The following HNRNPM variants were observed in gnomAD, a reference collection of about 807,000 sequenced individuals.
The protein encoded by HNRNPM is heterogeneous nuclear ribonucleoprotein M.
In HNRNPM, 11 loss-of-function variants were observed where a neutral mutation model predicts 73.1. The observed-to-expected ratio is 0.15, with a 90% confidence interval of 0.09 to 0.25. The LOEUF is 0.25. HNRNPM is among the 10% of genes least tolerant of loss of function. The pLI is 1.00. For synonymous variants in HNRNPM, 407 were observed against 355.2 expected, an observed-to-expected ratio of 1.15 and a Z score of -1.64; for missense variants, 789 against 1,067.9, an observed-to-expected ratio of 0.74 and a Z score of 3.64.
chr19:8,454,757 A>C (rs1419723211), intron 1 of HNRNPM, among the ~76,000 whole-genome samples: 1 of 138,890 alleles, frequency 7.2e-6, no homozygotes, highest in East Asian at 2.2e-4. Context: ...GTACTACCTC[A>C]TATTTCCATT....
chr19:8,444,985 C>G lies in HNRNPM; in HGVS notation c.-14C>G, dbSNP rs201184540. ...GCAGCCCGTTCGCTCACACAAAGCC[C>G]AGACGCGGAGAAAATGGCGGCAGGG... is the stretch of plus-strand genomic sequence containing the variant. On this transcript the variant is annotated 5_prime_UTR_variant, in exon 1 of 16. Coordinates refer to ENST00000325495, the MANE Select transcript of HNRNPM (RefSeq NM_005968.5). The G allele has an allele frequency of 3.3e-5, 46 of 1,401,242 alleles. No individual in the cohort carries two copies. Among genetic ancestry groups the G allele is most frequent in the South Asian group, 1.2e-4 (7 of 60,106 alleles). 86.8% of individuals were successfully genotyped at this position (1,401,242 alleles called of 1,614,324 possible). A position where few individuals can be genotyped will look rare whatever the true frequency, so the allele number is the denominator to read the frequency against.
chr19:8,473,629 A>G lies in HNRNPM; in HGVS notation c.998-35A>G, dbSNP rs201294620. ...TTCAAACGTTATTTACTGCTTTGAC[A>G]TAATTTTAGTTTGCATTGACTTTTT... On this transcript the variant is annotated intron_variant, in intron 10 of 15. Coordinates refer to ENST00000325495, the MANE Select transcript of HNRNPM (RefSeq NM_005968.5). 1.1e-3 allele frequency: 1,473 copies of G among 1,378,232 alleles called. 5 individuals carry two copies. Among genetic ancestry groups the G allele is most frequent in the South Asian group, 2.3e-3 (194 of 83,914 alleles). 85.4% of individuals were successfully genotyped at this position (1,378,232 alleles called of 1,614,324 possible).
At chr19:8,470,244 G>A (rs1233375979) in intron 9 of HNRNPM, among the ~76,000 whole-genome samples, 1 of 152,246 alleles carries the variant, frequency 6.6e-6, no homozygotes, top group Non-Finnish European at 1.5e-5. Context: ...AAGATGGAAT[G>A]TTCATCAGAT....
chr19:8,471,467 G>T, intron 10 of HNRNPM, 40 bp downstream of exon 10: 1 of 1,291,362 alleles, frequency 7.7e-7, no homozygotes, highest in Non-Finnish European at 1.1e-6. Flanking sequence ...GTTTGGGGAA[G>T]TGAAAATTAT....
Position 8,466,290 on chromosome 19 carries a change from T to C in HNRNPM, c.686T>C (p.Val229Ala), listed in dbSNP as rs752464286. 1 of 1,614,078 alleles carries C rather than the reference T, an allele frequency of 6.2e-7. No individual in the cohort carries two copies. Among genetic ancestry groups the C allele is most frequent in the South Asian group, 1.1e-5 (1 of 91,084 alleles). The change falls in exon 7 of 16, where the codon GTG becomes GCG. Residue 229 changes from valine (V) to alanine (A), a missense_variant. Val to Ala is a moderately conservative substitution (Grantham distance 64). Transcript: ENST00000325495. ...AAGGAAGTATTTAGTATGGCTGGTGTGGTGGTCCGAGCAGACATTCTTGAA... is the reference window on the plus strand; with the variant it reads ...AAGGAAGTATTTAGTATGGCTGGTGCGGTGGTCCGAGCAGACATTCTTGAA... The part of the protein sequence containing the change: ...KLKEVFSMAG[V>A]VVRADILEDK...
chr19:8,454,566 T>G (rs1047547993), intron 1 of HNRNPM, among the ~76,000 whole-genome samples: 1 of 152,168 alleles, frequency 6.6e-6, no homozygotes, highest in Non-Finnish European at 1.5e-5. Flanking sequence ...TCCCTGCTTT[T>G]AATTCTTTTG....
At chr19:8,487,216 C>G (rs1971376749) in intron 15 of HNRNPM, 141 bp downstream of exon 15, 3 of 753,918 alleles carry the variant, frequency 4.0e-6, no homozygotes, top group Admixed American at 1.8e-5. Context: ...CGCCAATGCT[C>G]AGGCAGGTTG....
chr19:8,456,901 C>T (rs1000748433), intron 2 of HNRNPM, among the ~76,000 whole-genome samples: 2 of 152,138 alleles, frequency 1.3e-5, no homozygotes, highest in African/African-American at 2.4e-5. Context: ...TTCTTTTTGT[C>T]TGAGGGTGTG....
chr19:8,457,508 A>G (rs1969104209), intron 2 of HNRNPM, among the ~76,000 whole-genome samples: 2 of 152,310 alleles, frequency 1.3e-5, no homozygotes, highest in East Asian at 3.9e-4. Context: ...GTTATTTTTA[A>G]TGAGCCTTAA....
At chr19:8,482,348 C>G (rs1175161783) in intron 12 of HNRNPM, among the ~76,000 whole-genome samples, 2 of 152,132 alleles carry the variant, frequency 1.3e-5, no homozygotes, top group Non-Finnish European at 2.9e-5. Flanking sequence ...ACTTTGAGAC[C>G]AGAGCGGGTG....
chr19:8,445,220 C>T (rs1258264428), intron 1 of HNRNPM, 109 bp downstream of exon 1: 27 of 956,394 alleles, frequency 2.8e-5, no homozygotes, highest in Admixed American at 8.5e-5. Context: ...CGGCCTCGGC[C>T]CCGGCTGTTC....
At chr19:8,453,538 C>A (rs1261853228) in intron 1 of HNRNPM, among the ~76,000 whole-genome samples, 2 of 152,184 alleles carry the variant, frequency 1.3e-5, no homozygotes, top group Non-Finnish European at 2.9e-5. Context: ...ATCGGCTCTT[C>A]AGTTAAAGAT....
At position 8,483,220 on chromosome 19, in the gene HNRNPM, C is replaced by T. The variant is rs776957441; in HGVS notation, c.1174+9C>T. ...TGCAAAGCAGGGAGGAGGTAGGAAC[C>T]GCTTAGTTTGATGTTTTGTTTTTTT... On this transcript the variant is annotated intron_variant, in intron 13 of 15. Coordinates refer to ENST00000325495, the MANE Select transcript of HNRNPM (RefSeq NM_005968.5). 1.3e-5 allele frequency: 21 copies of T among 1,605,170 alleles called. No homozygotes were observed. The South Asian group carries it at 1.3e-4, about 10-fold the overall frequency.
At chr19:8,464,086 G>T (rs963348218) in intron 5 of HNRNPM, among the ~76,000 whole-genome samples, 3 of 151,674 alleles carry the variant, frequency 2.0e-5, no homozygotes, top group Admixed American at 2.0e-4. Flanking sequence ...CTCTACAAAA[G>T]GTACAAAAAT....
chr19:8,467,808 T>C (rs751488824), intron 8 of HNRNPM, among the ~76,000 whole-genome samples: 22 of 152,152 alleles, frequency 1.4e-4, no homozygotes, highest in Non-Finnish European at 2.5e-4. Context: ...AGGCGGATCA[T>C]GAGGTCAGCA....
rs781300372 is a variant in HNRNPM, at chr19:8,445,059, G to A, written c.61G>A (p.Glu21Lys). 1.4e-6 allele frequency: 2 copies of A among 1,429,344 alleles called. No individual in the cohort carries two copies. The highest frequency in any genetic ancestry group is 5.7e-5 in the East Asian group (2 of 35,190). The allele number at this position is 1,429,344 out of a possible 1,614,324, so 88.5% of individuals were successfully genotyped here. A position where few individuals can be genotyped will look rare whatever the true frequency, so the allele number is the denominator to read the frequency against. ...GGCGACGGAGATCAAAATGGAGGAAGAGAGCGGCGCGCCCGGCGTGCCGAG... is the reference window on the plus strand; with the variant it reads ...GGCGACGGAGATCAAAATGGAGGAAAAGAGCGGCGCGCCCGGCGTGCCGAG... ...VAATEIKMEE[E>K]SGAPGVPSGN... The change falls in exon 1 of 16, where the codon GAG becomes AAG. Residue 21 changes from glutamate (E) to lysine (K), a missense_variant. Glu to Lys is a moderately conservative substitution (Grantham distance 56, BLOSUM62 1). Coordinates refer to ENST00000325495, the MANE Select transcript of HNRNPM (RefSeq NM_005968.5).
chr19:8,477,543 C>T (rs1327370943), intron 12 of HNRNPM, among the ~76,000 whole-genome samples: 2 of 151,762 alleles, frequency 1.3e-5, no homozygotes, highest in Admixed American at 1.3e-4. Flanking sequence ...TGCTAGCTGC[C>T]TGGGAAACTC....
chr19:8,463,911 T>G (rs555021397), intron 5 of HNRNPM: 2 of 511,856 alleles, frequency 3.9e-6, no homozygotes, highest in Admixed American at 6.7e-5. Context: ...CCTTCTAATA[T>G]CTGTGATTTG....
chr19:8,478,907 T>C (rs1453993895), intron 12 of HNRNPM, among the ~76,000 whole-genome samples: 1 of 152,096 alleles, frequency 6.6e-6, no homozygotes, highest in Non-Finnish European at 1.5e-5. Context: ...GTTAGCAGGA[T>C]GGAGTGAGTT....
Sources: allele counts gnomAD v4.1 joint callset (sites outside exome capture counted in the v4.1 genomes callset), GRCh38; gene constraint gnomAD v4.1.1; transcripts MANE v1.5; gene names NCBI Gene and HGNC (gene_info 2026-07-23, HGNC 2026-07-21).